PCDHGB2: variants seen among roughly 807,000 people sequenced by gnomAD.
PCDHGB2 encodes the protein protocadherin gamma-B2.
PCDHGB2 carries 55 observed loss-of-function variants against 59.3 expected under a neutral mutation model. The ratio of observed to expected loss-of-function variants is 0.93; its 90% CI spans 0.75 to 1.16. The LOEUF (loss-of-function observed/expected upper bound fraction) is 1.16, where lower values mean the gene tolerates loss of function less well. PCDHGB2 is among the 50% of genes most tolerant of loss of function. The pLI is 0.00. For synonymous variants in PCDHGB2, 516 were observed against 512.0 expected, an observed-to-expected ratio of 1.01 and a Z score of -0.11; for missense variants, 1,228 against 1,198.5, an observed-to-expected ratio of 1.02 and a Z score of -0.36.
chr5:141,376,552 C>G lies in PCDHGB2; in HGVS notation c.2421+13996C>G, dbSNP rs372170088. On this transcript the variant is annotated intron_variant, in intron 1 of 3. Transcript: ENST00000522605. ...AGCGGGAAGAGTAATCTGATCTTCC[C>G]GCAACCCAACTAATCAGACAGGCTC... 3 of 1,611,220 alleles carry G rather than the reference C, an allele frequency of 1.9e-6. No individual in the cohort carries two copies. The African/African-American group carries it at 4.0e-5, about 22-fold the overall frequency.
At chr5:141,417,703 C>A in intron 1 of PCDHGB2, 1 of 1,205,130 alleles carries the variant, frequency 8.3e-7, no homozygotes, top group Non-Finnish European at 1.1e-6. Context: ...AGCTCCCACA[C>A]AGAGGCTCCC....
At chr5:141,504,817 G>T in intron 2 of PCDHGB2, among the ~76,000 whole-genome samples, 1 of 151,940 alleles carries the variant, frequency 6.6e-6, no homozygotes, top group East Asian at 1.9e-4. Flanking sequence ...TACCTCCTAG[G>T]TCCCCACTTT....
Position 141,365,562 on chromosome 5 carries a change from A to C in PCDHGB2, c.2421+3006A>C, listed in dbSNP as rs200032836. On this transcript the variant is annotated intron_variant, in intron 1 of 3. Transcript: ENST00000522605. ...CACCTATTAACAACTAGGGACCTGG[A>C]CAGAGAAGAGACTTCAGATTATAAT... The C allele has an allele frequency of 6.2e-4, 1,002 of 1,613,762 alleles. 1 individual carries two copies. Among genetic ancestry groups the C allele is most frequent in the Non-Finnish European group, 7.3e-4 (867 of 1,179,898 alleles).
At chr5:141,427,352 G>A (rs982774903) in intron 1 of PCDHGB2, 3 of 457,474 alleles carry the variant, frequency 6.6e-6, no homozygotes, top group African/African-American at 6.0e-5. Flanking sequence ...CTGTAACTGA[G>A]GACGCAGAAC....
rs902790467 is a variant in PCDHGB2 at position 141,395,519 on chromosome 5, C to A, written c.2421+32963C>A. 1.5e-5 allele frequency: 6 copies of A among 409,366 alleles called. 1 individual carries two copies. The highest frequency in any genetic ancestry group is 1.3e-4 in the African/African-American group (6 of 47,696). The allele number at this position is 409,366 out of a possible 1,614,324, so 25.4% of individuals were successfully genotyped here. On this transcript the variant is annotated intron_variant, in intron 1 of 3. Transcript: ENST00000522605. ...TTCACTTAAGAAGTAGCTACCCGTC[C>A]ATACTGGTAATTTTGCTATTGTTTG...
chr5:141,428,222 C>A, intron 1 of PCDHGB2: 1 of 1,173,442 alleles, frequency 8.5e-7, no homozygotes, highest in Non-Finnish European at 1.2e-6. Flanking sequence ...CTAGTCTTCG[C>A]AGACAGCCTG....
At chr5:141,450,679 G>A (rs2098690217) in intron 1 of PCDHGB2, among the ~76,000 whole-genome samples, 2 of 151,914 alleles carry the variant, frequency 1.3e-5, no homozygotes, top group Non-Finnish European at 2.9e-5. Context: ...TAGAAACGGG[G>A]TTTTGCCATG....
At position 141,511,130 on chromosome 5, in the gene PCDHGB2, G is replaced by A. The variant is rs777082914; in HGVS notation, c.2753G>A (p.Gly918Asp). ...GKRDGKAPAG[G>D]NGNKKKSGKK... ...CGGGATGGCAAGGCCCCAGCAGGTG[G>A]CAATGGCAACAAGAAGAAGTCGGGC... The change falls in exon 4 of 4, where the codon GGC (glycine) becomes GAC (aspartate). Residue 918 changes from glycine (G) to aspartate (D), a missense_variant. Coordinates refer to ENST00000522605, the MANE Select transcript of PCDHGB2 (RefSeq NM_018923.3). 6.2e-7 allele frequency: 1 copy of A among 1,614,210 alleles called. No homozygotes were observed. The highest frequency in any genetic ancestry group is 1.1e-5 in the South Asian group (1 of 91,090).
chr5:141,362,632 TTTC>T (rs1762606718), intron 1 of PCDHGB2, 76 bp downstream of exon 1: 2 of 1,490,270 alleles, frequency 1.3e-6, no homozygotes, highest in Admixed American at 4.6e-5. Flanking sequence ...CCACTGCGTA[TTTC>T]TTTGTCTGTG....
chr5:141,465,786 T>G (rs1236517595), intron 1 of PCDHGB2, among the ~76,000 whole-genome samples: 1 of 152,136 alleles, frequency 6.6e-6, no homozygotes, highest in Non-Finnish European at 1.5e-5. Flanking sequence ...ACAGTTTTTT[T>G]TTTTTTAAGA....
chr5:141,451,314 G>A (rs1286009420), intron 1 of PCDHGB2, among the ~76,000 whole-genome samples: 1 of 152,218 alleles, frequency 6.6e-6, no homozygotes, highest in Non-Finnish European at 1.5e-5. Context: ...AGCAATTAAA[G>A]TGTCACCTAA....
At chr5:141,478,804 G>C (rs765938054) in intron 1 of PCDHGB2, 48 of 1,462,396 alleles carry the variant, frequency 3.3e-5, no homozygotes, top group Non-Finnish European at 4.1e-5. Context: ...GCACTCTTTT[G>C]CTATCACAAC....
At chr5:141,453,475 A>C (rs2098766452) in intron 1 of PCDHGB2, among the ~76,000 whole-genome samples, 1 of 151,996 alleles carries the variant, frequency 6.6e-6, no homozygotes, top group Non-Finnish European at 1.5e-5. Context: ...ATAAAGTCAA[A>C]ACTATTAAAA....
At chr5:141,423,210 C>T in intron 1 of PCDHGB2, 2 of 1,613,696 alleles carry the variant, frequency 1.2e-6, no homozygotes, top group Non-Finnish European at 1.7e-6. Flanking sequence ...CCGTCACGCT[C>T]ACCGTGGCTG....
chr5:141,393,922 G>C (rs750880965), intron 1 of PCDHGB2: 16 of 1,613,832 alleles, frequency 9.9e-6, no homozygotes, highest in Middle Eastern at 1.6e-4. Context: ...GCCTTCTTGA[G>C]TGTGCATGAC....
chr5:141,370,406 C>T (rs753617533), intron 1 of PCDHGB2: 3 of 1,560,202 alleles, frequency 1.9e-6, no homozygotes, highest in African/African-American at 2.7e-5. Flanking sequence ...TGGGAAATAG[C>T]TCCGGATGGA....
chr5:141,510,194 G>A (rs920127442), intron 3 of PCDHGB2, among the ~76,000 whole-genome samples: 1 of 151,462 alleles, frequency 6.6e-6, no homozygotes, highest in Non-Finnish European at 1.5e-5. Context: ...AATCACTTGA[G>A]CCCAGGAGGC....
chr5:141,471,208 C>G (rs559571022), intron 1 of PCDHGB2: 1 of 151,664 alleles, frequency 6.6e-6, no homozygotes, highest in Non-Finnish European at 1.5e-5. Context: ...CACCCCCATG[C>G]CTGGCAATTT....
rs779183487 is a variant in PCDHGB2, at chr5:141,430,845, C to T, written c.2422-63962C>T. ...GGGACTCTGTGGGAGACCGGATGCA[C>T]CCAGATACGCTATTCAGTTCCGGAA... On this transcript the variant is annotated intron_variant, in intron 1 of 3. Coordinates refer to ENST00000522605, the MANE Select transcript of PCDHGB2 (RefSeq NM_018923.3). 27 of 1,575,514 alleles carry T rather than the reference C, an allele frequency of 1.7e-5. No individual in the cohort carries two copies. In the African/African-American group the frequency reaches 3.7e-4, roughly 21 times the overall value.
Sources: gnomAD v4.1 joint callset for allele counts (sites outside exome capture counted in the v4.1 genomes callset) on GRCh38, gnomAD v4.1.1 for gene constraint, MANE v1.5 for transcripts, NCBI Gene and HGNC (gene_info 2026-07-23, HGNC 2026-07-21) for gene names.